ESRRG: variants seen among roughly 807,000 people sequenced by gnomAD.
ESRRG encodes the protein estrogen related receptor gamma.
A neutral mutation model predicts 44.0 loss-of-function variants in ESRRG; 13 were observed. The ratio of observed to expected loss-of-function variants is 0.30; its 90% CI spans 0.19 to 0.47. The LOEUF (loss-of-function observed/expected upper bound fraction) is 0.47. Ranked by LOEUF, ESRRG falls within the 20% of genes least tolerant of loss-of-function variation. The pLI is 1.00. For synonymous variants in ESRRG, 215 were observed against 214.6 expected (o/e 1.00, Z -0.02); for missense variants, 395 against 580.6 (o/e 0.68, Z 3.29).
chr1:217,089,713 C>T (rs1045622043), upstream of ESRRG: 22 of 152,182 alleles, frequency 1.4e-4, 1 homozygote, highest in East Asian at 3.7e-3. Context: ...AGGGCACGGC[C>T]CCCCGCTCTG....
intron 1 of ESRRG, among the ~76,000 whole-genome samples, chr1:217,064,069 A>G (rs868188501): frequency 2.3e-4 from 35 of 152,014 alleles, no homozygotes; most frequent in African/African-American, 8.2e-4. Context: ...ATATACATAT[A>G]TATTTGTAAA....
At chr1:216,527,685 C>T (rs1558279752) in intron 5 of ESRRG, among the ~76,000 whole-genome samples, 1 of 152,172 alleles carries the variant, frequency 6.6e-6, no homozygotes, top group Non-Finnish European at 1.5e-5. Context: ...GATCTCTCAC[C>T]AAGTTTTCTC....
intron 3 of ESRRG, among the ~76,000 whole-genome samples, chr1:216,624,505 G>A (rs1300133743): frequency 6.6e-6 from 1 of 152,052 alleles, no homozygotes; most frequent in African/African-American, 2.4e-5. Context: ...TCATTTTTAC[G>A]CCCTACCTGG....
chr1:216,713,609 C>T (rs2084127090), intron 1 of ESRRG, among the ~76,000 whole-genome samples: 1 of 152,094 alleles, frequency 6.6e-6, no homozygotes, highest in Non-Finnish European at 1.5e-5. Context: ...TTAATTTCTC[C>T]AGAGAATGTA....
chr1:216,806,330 G>T (rs891267534), intron 2 of ESRRG, among the ~76,000 whole-genome samples: 1 of 152,172 alleles, frequency 6.6e-6, no homozygotes, highest in African/African-American at 2.4e-5. Flanking sequence ...TTCAAGAGAT[G>T]ATTTGAAATG....
chr1:216,797,479 C>T (rs2094501872), intron 2 of ESRRG, among the ~76,000 whole-genome samples: 1 of 152,068 alleles, frequency 6.6e-6, no homozygotes, highest in Admixed American at 6.6e-5. Flanking sequence ...CACAGTATAC[C>T]CATCCCTCCA....
At chr1:216,696,543 T>A (rs555428936) in intron 1 of ESRRG, among the ~76,000 whole-genome samples, 4 of 152,254 alleles carry the variant, frequency 2.6e-5, no homozygotes, top group African/African-American at 9.6e-5. Flanking sequence ...GAACAAAGAA[T>A]AATAGTGTTG....
At chr1:216,520,648 T>C (rs1420178967) in intron 5 of ESRRG, among the ~76,000 whole-genome samples, 2 of 152,176 alleles carry the variant, frequency 1.3e-5, no homozygotes, top group African/African-American at 4.8e-5. Flanking sequence ...TTTCCAAGTG[T>C]ATGCCTAAGA....
chr1:217,134,469 TTG>T (rs1261507077), intron 1 of ESRRG, among the ~76,000 whole-genome samples: 1 of 152,188 alleles, frequency 6.6e-6, no homozygotes, highest in African/African-American at 2.4e-5. Context: ...CTCCACTTAC[TTG>T]TTCTTAATTC....
At chr1:216,820,207 C>G (rs756650887) in intron 2 of ESRRG, among the ~76,000 whole-genome samples, 4 of 152,170 alleles carry the variant, frequency 2.6e-5, no homozygotes, top group African/African-American at 4.8e-5. Flanking sequence ...TCAACACTCA[C>G]AATACATAAT....
chr1:216,656,532 C>T (rs369182479), intron 2 of ESRRG, among the ~76,000 whole-genome samples: 5 of 152,028 alleles, frequency 3.3e-5, no homozygotes, highest in African/African-American at 4.8e-5. Flanking sequence ...AGCTAGCTGG[C>T]GGATAGAATA....
chr1:216,993,816 T>C (rs1055126461), intron 1 of ESRRG, among the ~76,000 whole-genome samples: 1 of 152,236 alleles, frequency 6.6e-6, no homozygotes, highest in African/African-American at 2.4e-5. Context: ...TCCATAATGA[T>C]GAGGTTCTGC....
intron 5 of ESRRG, among the ~76,000 whole-genome samples, chr1:216,543,389 T>G (rs180737107): frequency 9.3e-4 from 142 of 152,158 alleles, no homozygotes; most frequent in African/African-American, 3.3e-3. Context: ...ACTTCTTCCA[T>G]GCCTCTTCTA....
intron 5 of ESRRG, among the ~76,000 whole-genome samples, chr1:216,540,923 CA>C (rs2052511936): frequency 6.6e-6 from 1 of 151,822 alleles, no homozygotes; most frequent in Non-Finnish European, 1.5e-5. Flanking sequence ...CTTCTGAAAA[CA>C]GGCAGTTTTT....
In ESRRG at chr1:216,735,979, C is replaced by CAAA. The variant is rs5780916; in HGVS notation, c.-13-58491_-13-58489dup. On this transcript the variant is annotated intron_variant, in intron 2 of 7. Coordinates refer to the ESRRG transcript ENST00000359162. ...GGCGACAGAGCAATACTCCCCATCT[C>CAAA]AAAAAAAAATATATATATATATATA... Among the ~76,000 whole-genome samples, 277 of 115,510 alleles carry CAAA rather than the reference C, an allele frequency of 2.4e-3. 1 individual carries two copies. Among genetic ancestry groups the CAAA allele is most frequent in the African/African-American group, 7.4e-3 (243 of 33,032 alleles). The allele number at this position is 115,510 out of a possible 152,430, so 75.8% of individuals were successfully genotyped here. A position where few individuals can be genotyped will look rare whatever the true frequency, so the allele number is the denominator to read the frequency against.
chr1:216,912,267 G>GAGGA, intron 2 of ESRRG, among the ~76,000 whole-genome samples: 1 of 36,628 alleles, frequency 2.7e-5, no homozygotes, highest in Non-Finnish European at 6.6e-5. Context: ...AGAGGAGAGG[G>GAGGA]GAGGGGAGGA....
chr1:216,506,651 T>C lies in ESRRG; in HGVS notation c.*288A>G, dbSNP rs1460352624. 1.0e-5 allele frequency: 5 copies of C among 489,422 alleles called. No homozygotes were observed. Among genetic ancestry groups the C allele is most frequent in the Non-Finnish European group, 1.9e-5 (5 of 260,208 alleles). The allele number at this position is 489,422 out of a possible 1,614,324, so 30.3% of individuals were successfully genotyped here. A position where few individuals can be genotyped will look rare whatever the true frequency, so the allele number is the denominator to read the frequency against. ...AATAAAGGAGAATGGGAACTAGGAA[T>C]GAAAGAAGCAAAGAAATAAGGGAGG... On this transcript the variant is annotated 3_prime_UTR_variant, in exon 7 of 7. Transcript: ENST00000408911.
At chr1:217,118,373 T>C (rs2092767711) in intron 1 of ESRRG, among the ~76,000 whole-genome samples, 1 of 152,216 alleles carries the variant, frequency 6.6e-6, no homozygotes, top group Non-Finnish European at 1.5e-5. Context: ...ATCTATACTT[T>C]GCACTGTGTA....
intron 2 of ESRRG, among the ~76,000 whole-genome samples, chr1:216,830,084 A>G (rs569757542): frequency 7.2e-5 from 11 of 152,182 alleles, no homozygotes; most frequent in Admixed American, 2.0e-4. Context: ...TCCCTGCTGA[A>G]ACTTTTAATG....
Sources: gnomAD v4.1 joint callset for allele counts (sites outside exome capture counted in the v4.1 genomes callset) on GRCh38, gnomAD v4.1.1 for gene constraint, MANE v1.5 for transcripts, NCBI Gene and HGNC (gene_info 2026-07-23, HGNC 2026-07-21) for gene names.